ACE: variants seen among roughly 807,000 people sequenced by gnomAD.
ACE encodes angiotensin I converting enzyme.
Under a neutral mutation model 162.3 loss-of-function variants are expected in ACE, and 122 were observed. The ratio of observed to expected loss-of-function variants is 0.75; its 90% CI spans 0.65 to 0.87. The LOEUF is 0.87. Among genes scored for constraint, ACE ranks in the 40% least tolerant of loss-of-function variants. The pLI is 0.00. For missense variants in ACE, 1,799 were observed against 1,735.1 expected, an observed-to-expected ratio of 1.04 and a Z score of -0.65; for synonymous variants, 796 against 720.6, an observed-to-expected ratio of 1.10 and a Z score of -1.68.
Position 63,485,248 on chromosome 17 carries a change from A to C in ACE, c.1934A>C (p.Asp645Ala), listed in dbSNP as rs1281544974. The C allele has an allele frequency of 6.2e-7, 1 of 1,614,014 alleles. No individual in the cohort carries two copies. Among genetic ancestry groups the C allele is most frequent in the Admixed American group, 1.7e-5 (1 of 60,002 alleles). The change falls in exon 13 of 25, where the codon GAT (aspartate) becomes GCT (alanine). Residue 645 changes from aspartate to alanine, a missense_variant. Coordinates refer to ENST00000290866, the MANE Select transcript of ACE (RefSeq NM_000789.4). ...CTCTGTCCCACAGACCTGGTGACTG[A>C]TGAGGCTGAGGCCAGCAAGTTTGTG... ...NYPEGIDLVT[D>A]EAEASKFVEE...
chr17:63,477,595 G>A, intron 1 of ACE: 1 of 379,738 alleles, frequency 2.6e-6, no homozygotes, highest in Non-Finnish European at 4.6e-6. Context: ...AAGGTGCTGG[G>A]CTTGGCTCTG....
chr17:63,486,842 G>C, intron 14 of ACE, 127 bp downstream of exon 14: 1 of 1,481,372 alleles, frequency 6.8e-7, no homozygotes. Flanking sequence ...GCCATGCGAT[G>C]TGCACCTCAG....
intron 3 of ACE, among the ~76,000 whole-genome samples, chr17:63,479,426 G>T (rs1054142005): frequency 6.6e-6 from 1 of 152,058 alleles, no homozygotes; most frequent in African/African-American, 2.4e-5. Flanking sequence ...GGGACCCCTC[G>T]TGGCTTCCCC....
At chr17:63,494,089 T>C in intron 21 of ACE, 23 bp downstream of exon 21, 1 of 1,613,466 alleles carries the variant, frequency 6.2e-7, no homozygotes. Flanking sequence ...TCCCACGGGA[T>C]GCGGGCTGGG....
rs771342124 is a variant in ACE, at chr17:63,493,646, G to T, written c.3123G>T (p.Glu1041Asp). The change falls in exon 20 of 25, where the codon GAG becomes GAT. Residue 1041 changes from glutamate (E) to aspartate (D), a missense_variant. Glu to Asp is a conservative substitution (Grantham distance 45). Transcript: ENST00000290866. ...HLHSLNLLSSEGGSDEHDINF... is the reference protein window; with the variant it reads ...HLHSLNLLSSDGGSDEHDINF... ...ACAGTCTCAACCTGCTGAGCAGTGA[G>T]GGTGGCAGCGACGGTGAGAGAGAAG... The T allele has an allele frequency of 6.2e-7, 1 of 1,614,012 alleles. No individual in the cohort carries two copies. The highest frequency in any genetic ancestry group is 1.3e-5 in the African/African-American group (1 of 74,934).
At chr17:63,483,688 T>TA in intron 10 of ACE, 130 bp downstream of exon 10, 1 of 1,413,494 alleles carries the variant, frequency 7.1e-7, no homozygotes, top group Non-Finnish European at 1.0e-6. Flanking sequence ...GGCCTGGAGT[T>TA]AGAGTGGCCC....
At position 63,479,893 on chromosome 17, in the gene ACE, T is replaced by C. The variant is rs753408382; in HGVS notation, c.636T>C (p.Asn212=). The stretch of plus-strand genomic sequence containing the variant: ...ACGAGGATTTCACTGCCCTCAGCAA[T>C]GAAGCCTACAAGCAGGACGGTGAGC... ...PLYEDFTALS[N]EAYKQDGFTD... is the part of the protein sequence containing the mutation. Residue 212 remains asparagine, a synonymous_variant, in exon 4 of 25, where the codon AAT becomes AAC. Transcript: ENST00000290866. The C allele has an allele frequency of 2.5e-6, 4 of 1,611,794 alleles. No homozygotes were observed. The highest frequency in any genetic ancestry group is 3.4e-6 in the Non-Finnish European group (4 of 1,179,948).
chr17:63,493,410 C>G (rs777267742), intron 19 of ACE, 26 bp from the exon 20 acceptor site: 3 of 1,610,094 alleles, frequency 1.9e-6, no homozygotes, highest in Admixed American at 3.3e-5. Flanking sequence ...CTCCCAACAC[C>G]CTCTCCCCCA....
intron 8 of ACE, 54 bp from the exon 9 acceptor site, chr17:63,482,975 G>T: frequency 1.3e-6 from 2 of 1,581,262 alleles, no homozygotes; most frequent in Non-Finnish European, 1.7e-6. Context: ...ACTCTTAGGG[G>T]ACCCTCTTCT....
chr17:63,495,182 T>C (rs1443494679), intron 22 of ACE, among the ~76,000 whole-genome samples: 2 of 152,228 alleles, frequency 1.3e-5, no homozygotes, highest in East Asian at 1.9e-4. Flanking sequence ...ACACTAGGTC[T>C]GCAGGTCACA....
rs768475021 is a variant in ACE at position 63,488,828 on chromosome 17, C to G, written c.2449+37C>G. On this transcript the variant is annotated intron_variant, in intron 16 of 24. Coordinates refer to ENST00000290866, the MANE Select transcript of ACE (RefSeq NM_000789.4). ...CTGCCAACATCACTGGCACTTGGGT[C>G]CCTTCATTTTCCTCAAAGAGGTGCT... 5.1e-5 allele frequency: 82 copies of G among 1,613,872 alleles called. 1 individual carries two copies. In the South Asian group the frequency reaches 8.9e-4, roughly 18 times the overall value.
chr17:63,484,332 A>G lies in ACE; in HGVS notation c.1712A>G (p.Lys571Arg). 6.2e-7 allele frequency: 1 copy of G among 1,610,162 alleles called. No individual in the cohort carries two copies. The highest frequency in any genetic ancestry group is 8.5e-7 in the Non-Finnish European group (1 of 1,179,652). Residue 571 changes from lysine to arginine, a missense_variant and splice_region_variant, in exon 12 of 25, where the codon AAG becomes AGG. Coordinates refer to ENST00000290866, the MANE Select transcript of ACE (RefSeq NM_000789.4). This position sits in a 1 kb window ranked among gnomAD's most constrained non-coding sequence, Gnocchi z 4.0. ...ATGGTACCCACTCTGCCCACCAGGA[A>G]GGTGCTGCAGGCTGGCTCCTCCAGG... ...RSTKAGAKLR[K>R]VLQAGSSRPW...
chr17:63,483,276 A>T, intron 9 of ACE, 103 bp downstream of exon 9: 1 of 1,588,386 alleles, frequency 6.3e-7, no homozygotes. Flanking sequence ...CTCCTCTCTA[A>T]TGATGTCCCC....
Position 63,496,852 on chromosome 17 carries a change from C to G in ACE, c.3558C>G (p.Ile1186Met), listed in dbSNP as rs764893306. Reference sequence around the variant, plus strand: ...CGTGGCCGGAAGCCATGCAGCTGATCACGGGCCAGCCCAACATGAGCGCCT... The same window carrying G: ...CGTGGCCGGAAGCCATGCAGCTGATGACGGGCCAGCCCAACATGAGCGCCT... ...SRPWPEAMQL[I>M]TGQPNMSASA... Residue 1186 changes from isoleucine to methionine, a missense_variant, in exon 24 of 25, where the codon ATC becomes ATG. Ile to Met is a conservative substitution (Grantham distance 10, BLOSUM62 1). Transcript: ENST00000290866. 20 of 1,613,552 alleles carry G rather than the reference C, an allele frequency of 1.2e-5. No individual in the cohort carries two copies. The highest frequency in any genetic ancestry group is 1.7e-5 in the Admixed American group (1 of 60,032).
In ACE at chr17:63,479,885, C is replaced by T. The variant is rs928026625; in HGVS notation, c.628C>T (p.Leu210Phe). ...ACCGCTGTACGAGGATTTCACTGCC[C>T]TCAGCAATGAAGCCTACAAGCAGGA... ...LKPLYEDFTA[L>F]SNEAYKQDGF... Residue 210 changes from leucine to phenylalanine, a missense_variant, in exon 4 of 25, where the codon CTC becomes TTC. Leu to Phe is a conservative substitution (Grantham distance 22). Transcript: ENST00000290866. The T allele has an allele frequency of 6.2e-7, 1 of 1,612,198 alleles. No homozygotes were observed. Among genetic ancestry groups the T allele is most frequent in the Non-Finnish European group, 8.5e-7 (1 of 1,180,004 alleles).
intron 22 of ACE, 118 bp downstream of exon 22, chr17:63,494,588 G>A (rs1429970216): frequency 1.1e-6 from 1 of 903,482 alleles, no homozygotes; most frequent in African/African-American, 1.6e-5. Context: ...GGGGGAGCCG[G>A]CCGCACGGTG....
chr17:63,485,783 A>C (rs1366549322), intron 13 of ACE: 9 of 237,710 alleles, frequency 3.8e-5, no homozygotes, highest in Non-Finnish European at 7.5e-5. Flanking sequence ...AAAAAAAAAA[A>C]AAAAAAAAAC....
chr17:63,484,515 T>A lies in ACE; in HGVS notation c.1895T>A (p.Leu632Ter). ...GWPEYQWHPPLPDNYPEGIDL... is the reference protein window; with the variant it reads ...GWPEYQWHPP ...CCCGAGTACCAGTGGCACCCGCCGT[T>A]GCCTGACAACTACCCGGAGGGCATA... is the stretch of plus-strand genomic sequence containing the variant. The change falls in exon 12 of 25, where the codon TTG becomes TAG. Residue 632 changes from leucine to a stop codon, truncating the protein, a stop_gained. Transcript: ENST00000290866. LOFTEE classifies it high-confidence loss of function. The surrounding 1 kb of genome is among the most constrained non-coding windows in gnomAD (Gnocchi z 4.0). 1.2e-6 allele frequency: 2 copies of A among 1,611,984 alleles called. No homozygotes were observed. Among genetic ancestry groups the A allele is most frequent in the Non-Finnish European group, 1.7e-6 (2 of 1,179,794 alleles).
chr17:63,477,301 G>A lies in ACE; in HGVS notation c.207G>A (p.Trp69Ter), dbSNP rs867394500. ...QVLFQSVAAS[W>*]AHDTNITAEN... Reference sequence around the variant, plus strand: ...TGTTCCAGAGCGTGGCCGCCAGCTGGGCGCACGACACCAACATCACCGCGG... The same window carrying A: ...TGTTCCAGAGCGTGGCCGCCAGCTGAGCGCACGACACCAACATCACCGCGG... Residue 69 changes from tryptophan (W) to a stop codon, truncating the protein, a stop_gained, in exon 1 of 25, where the codon TGG becomes TGA. Transcript: ENST00000290866. LOFTEE classifies it high-confidence loss of function. 3 of 1,441,168 alleles carry A rather than the reference G, an allele frequency of 2.1e-6. No homozygotes were observed. The South Asian group carries it at 4.2e-5, about 20-fold the overall frequency. The allele number at this position is 1,441,168 out of a possible 1,614,324, so 89.3% of individuals were successfully genotyped here. A position where few individuals can be genotyped will look rare whatever the true frequency, so the allele number is the denominator to read the frequency against.
Sources: gnomAD v4.1 joint callset for allele counts (sites outside exome capture counted in the v4.1 genomes callset) on GRCh38, gnomAD v4.1.1 for gene constraint, Gnocchi (gnomAD v3.1) non-coding constraint, MANE v1.5 for transcripts, NCBI Gene and HGNC (gene_info 2026-07-23, HGNC 2026-07-21) for gene names.